PARD3B: variants seen among roughly 807,000 people sequenced by gnomAD.
PARD3B encodes the protein partitioning defective 3 homolog B.
A neutral mutation model predicts 130.2 loss-of-function variants in PARD3B; 103 were observed. That is an observed-to-expected ratio of 0.79 (90% confidence interval 0.67 to 0.93). The LOEUF (loss-of-function observed/expected upper bound fraction) is 0.93, where lower values mean the gene tolerates loss of function less well. Among genes scored for constraint, PARD3B ranks in the 40% least tolerant of loss-of-function variants. The pLI is 0.00. For synonymous variants in PARD3B, 583 were observed against 553.2 expected (o/e 1.05, Z -0.76); for missense variants, 1,609 against 1,499.2 (o/e 1.07, Z -1.21).
At chr2:205,149,396 T>A (rs931327691) in intron 10 of PARD3B, among the ~76,000 whole-genome samples, 5 of 152,142 alleles carry the variant, frequency 3.3e-5, no homozygotes, top group African/African-American at 1.2e-4. Context: ...GATTCCTATA[T>A]AAGTAAAAGG....
intron 2 of PARD3B, among the ~76,000 whole-genome samples, chr2:204,760,972 A>G (rs1453454820): frequency 1.3e-5 from 2 of 152,184 alleles, no homozygotes; most frequent in African/African-American, 4.8e-5. Context: ...ACTATTTTCT[A>G]TATGCCAGTA....
intron 18 of PARD3B, among the ~76,000 whole-genome samples, chr2:205,358,317 T>C (rs991044394): frequency 5.3e-5 from 8 of 152,240 alleles, no homozygotes; most frequent in African/African-American, 1.9e-4. Flanking sequence ...GTCACATCTG[T>C]GAGTTCCTTC....
intron 2 of PARD3B, among the ~76,000 whole-genome samples, chr2:204,836,368 G>T (rs143697286): frequency 2.6e-5 from 4 of 152,034 alleles, no homozygotes; most frequent in African/African-American, 4.8e-5. Context: ...ATTTCTAAAA[G>T]TACCTTTAAA....
At chr2:205,414,555 A>G (rs559653987) in intron 19 of PARD3B, among the ~76,000 whole-genome samples, 97 of 152,160 alleles carry the variant, frequency 6.4e-4, no homozygotes, top group Non-Finnish European at 1.2e-3. Context: ...CCTTGATTAT[A>G]ATAGTATGTA....
chr2:204,852,066 G>A (rs1027521143), intron 2 of PARD3B, among the ~76,000 whole-genome samples: 3 of 152,140 alleles, frequency 2.0e-5, no homozygotes, highest in Non-Finnish European at 4.4e-5. Context: ...CTCCCACAGA[G>A]TGATATAAGG....
At position 204,879,279 on chromosome 2, in the gene PARD3B, A is replaced by G. The variant is rs73982595; in HGVS notation, c.223-85873A>G. Among the ~76,000 whole-genome samples the G allele has an allele frequency of 8.2e-3, 1,250 of 152,240 alleles. 10 individuals carry two copies. The highest frequency in any genetic ancestry group is 0.028 in the African/African-American group (1,154 of 41,548). On this transcript the variant is annotated intron_variant, in intron 2 of 22. Coordinates refer to ENST00000406610, the MANE Select transcript of PARD3B (RefSeq NM_001302769.2). ...AGGTCAAGCAGGGGCCGTGACAGGC[A>G]ACCCACAAAGTGTAGTTGGTTTTGG...
intron 16 of PARD3B, among the ~76,000 whole-genome samples, chr2:205,282,614 G>T (rs2041234414): frequency 6.6e-6 from 1 of 151,578 alleles, no homozygotes; most frequent in Non-Finnish European, 1.5e-5. Flanking sequence ...ACTTTCTTAA[G>T]AATTTGAGAA....
At chr2:205,298,596 T>C (rs1012992420) in intron 16 of PARD3B, among the ~76,000 whole-genome samples, 3 of 152,174 alleles carry the variant, frequency 2.0e-5, no homozygotes, top group Non-Finnish European at 4.4e-5. Context: ...TAATAGCCAG[T>C]AGGGTTTATA....
At chr2:204,712,444 C>T (rs1363611149) in intron 2 of PARD3B, among the ~76,000 whole-genome samples, 8 of 151,788 alleles carry the variant, frequency 5.3e-5, no homozygotes, top group African/African-American at 1.9e-4. Flanking sequence ...AACCCCATCT[C>T]TACTAAAAAT....
At chr2:205,430,875 T>G (rs1211914276) in intron 19 of PARD3B, among the ~76,000 whole-genome samples, 1 of 152,218 alleles carries the variant, frequency 6.6e-6, no homozygotes, top group South Asian at 2.1e-4. Flanking sequence ...GACAGACATT[T>G]TTAAGGCATT....
chr2:204,715,447 G>C (rs1459415766), intron 2 of PARD3B, among the ~76,000 whole-genome samples: 1 of 148,092 alleles, frequency 6.8e-6, no homozygotes, highest in Non-Finnish European at 1.5e-5. Context: ...GGCTATTTCA[G>C]TTTATTCAAC....
At chr2:205,537,197 G>T (rs1218439117) in intron 21 of PARD3B, among the ~76,000 whole-genome samples, 3 of 152,020 alleles carry the variant, frequency 2.0e-5, no homozygotes, top group African/African-American at 7.2e-5. Flanking sequence ...ATAATAAATA[G>T]GTGTTGATTC....
chr2:204,808,098 ATATT>A (rs944701943), intron 2 of PARD3B, among the ~76,000 whole-genome samples: 1 of 152,060 alleles, frequency 6.6e-6, no homozygotes, highest in African/African-American at 2.4e-5. Context: ...TATCTACTAT[ATATT>A]CATAAAAATT....
At chr2:205,020,098 G>C (rs1318342539) in intron 3 of PARD3B, among the ~76,000 whole-genome samples, 1 of 151,972 alleles carries the variant, frequency 6.6e-6, no homozygotes, top group Non-Finnish European at 1.5e-5. Context: ...TACAGTCCAC[G>C]GTCTTTTCTG....
At position 204,689,871 on chromosome 2, in the gene PARD3B, T is replaced by C. The variant is rs536060676; in HGVS notation, c.222+3589T>C. Among the ~76,000 whole-genome samples, 34 of 152,298 alleles carry C rather than the reference T, an allele frequency of 2.2e-4. 1 individual carries two copies. The South Asian group carries it at 2.9e-3, about 13-fold the overall frequency. On this transcript the variant is annotated intron_variant, in intron 2 of 22. Transcript: ENST00000406610. This position sits in a 1 kb window ranked among gnomAD's most constrained non-coding sequence, Gnocchi z 5.2. Reference sequence around the variant, plus strand: ...AGCAGTTTGGCGCTTGTATCTATAATTTCTATTACGAAAATTCATCAGTCA... The same window carrying C: ...AGCAGTTTGGCGCTTGTATCTATAACTTCTATTACGAAAATTCATCAGTCA...
intron 22 of PARD3B, among the ~76,000 whole-genome samples, chr2:205,570,302 A>G (rs2053514713): frequency 6.6e-6 from 1 of 152,216 alleles, no homozygotes; most frequent in Non-Finnish European, 1.5e-5. Context: ...TGACTGAATT[A>G]AGGGATTCAC....
rs1355598684 is a variant in PARD3B at position 205,351,656 on chromosome 2, G to A, written c.2631-49357G>A. Reference sequence around the variant, plus strand: ...ACAGGAGCCACTGCCTTGGAAATTGGAGGCAGTTATTTCATTTCCGGTGAT... The same window carrying A: ...ACAGGAGCCACTGCCTTGGAAATTGAAGGCAGTTATTTCATTTCCGGTGAT... On this transcript the variant is annotated intron_variant, in intron 18 of 22. Coordinates refer to ENST00000406610, the MANE Select transcript of PARD3B (RefSeq NM_001302769.2). The surrounding 1 kb of genome is among the most constrained non-coding windows in gnomAD (Gnocchi z 4.2). 6.6e-6 allele frequency among the ~76,000 whole-genome samples: 1 copy of A among 152,190 alleles called. No homozygotes were observed. The highest frequency in any genetic ancestry group is 1.5e-5 in the Non-Finnish European group (1 of 68,040).
At chr2:205,378,207 A>T (rs2045144834) in intron 18 of PARD3B, among the ~76,000 whole-genome samples, 1 of 152,198 alleles carries the variant, frequency 6.6e-6, no homozygotes, top group Admixed American at 6.5e-5. Context: ...TCTCACAGTT[A>T]TAACAGACTT....
intron 21 of PARD3B, among the ~76,000 whole-genome samples, chr2:205,547,613 C>T (rs912244753): frequency 2.6e-5 from 4 of 152,100 alleles, no homozygotes; most frequent in African/African-American, 9.7e-5. Context: ...ATGCTCATAT[C>T]AGGAGCCACC....
Sources: gnomAD v4.1 joint callset for allele counts (sites outside exome capture counted in the v4.1 genomes callset) on GRCh38, gnomAD v4.1.1 for gene constraint, Gnocchi (gnomAD v3.1) non-coding constraint, MANE v1.5 for transcripts, NCBI Gene and HGNC (gene_info 2026-07-23, HGNC 2026-07-21) for gene names.